Variants in CNTN4 observed in about 807,000 individuals in gnomAD.
CNTN4 encodes the protein contactin 4.
CNTN4 carries 77 observed loss-of-function variants against 122.5 expected under a neutral mutation model. The observed-to-expected ratio is 0.63, with a 90% CI of 0.52 to 0.76. CNTN4 has a LOEUF of 0.76. Ranked by LOEUF, CNTN4 falls within the 30% of genes least tolerant of loss-of-function variation. The pLI, the probability that CNTN4 is intolerant of heterozygous loss-of-function variation, is 0.00. For synonymous variants in CNTN4, 512 were observed against 447.0 expected (o/e 1.15, Z -1.83); for missense variants, 1,256 against 1,259.1 (o/e 1.00, Z 0.04).
At chr3:2,207,727 G>A (rs1042190469) in intron 2 of CNTN4, among the ~76,000 whole-genome samples, 1 of 152,144 alleles carries the variant, frequency 6.6e-6, no homozygotes, top group Non-Finnish European at 1.5e-5. Flanking sequence ...TAAGATCATT[G>A]AAGGTAGCTA....
chr3:2,491,582 G>A (rs1362983128), intron 3 of CNTN4, among the ~76,000 whole-genome samples: 3 of 152,174 alleles, frequency 2.0e-5, no homozygotes, highest in Non-Finnish European at 2.9e-5. Flanking sequence ...AGATATTACT[G>A]TGAAATCTTT....
intron 2 of CNTN4, among the ~76,000 whole-genome samples, chr3:2,209,482 A>G (rs1445335558): frequency 6.6e-6 from 1 of 152,154 alleles, no homozygotes; most frequent in Non-Finnish European, 1.5e-5. Flanking sequence ...TACCATCAGC[A>G]TCATCTACGT....
Position 2,623,738 on chromosome 3 carries a change from A to G in CNTN4, c.55+52180A>G, listed in dbSNP as rs76169345. On this transcript the variant is annotated intron_variant, in intron 4 of 24. Coordinates refer to ENST00000418658, the MANE Select transcript of CNTN4 (RefSeq NM_175607.3). The stretch of plus-strand genomic sequence containing the variant: ...GGCTTGGGAATACAGAGTGGAAAAC[A>G]GTAATATGTGTATCAGCCTGAATGA... Among the ~76,000 whole-genome samples the G allele has an allele frequency of 4.6e-5, 7 of 152,326 alleles. No individual in the cohort carries two copies. The East Asian group carries it at 1.2e-3, about 25-fold the overall frequency.
At chr3:2,526,550 G>T (rs984678961) in intron 3 of CNTN4, among the ~76,000 whole-genome samples, 1 of 151,974 alleles carries the variant, frequency 6.6e-6, no homozygotes, top group African/African-American at 2.4e-5. Flanking sequence ...AATAATCCAA[G>T]AATAAATTTA....
rs553129815 is a variant in CNTN4 at position 2,544,675 on chromosome 3, C to T, written c.-88-26741C>T. Among the ~76,000 whole-genome samples the T allele has an allele frequency of 2.0e-5, 3 of 151,638 alleles. No homozygotes were observed. In the South Asian group the frequency reaches 6.2e-4, roughly 32 times the overall value. On this transcript the variant is annotated intron_variant, in intron 3 of 24. Transcript: ENST00000418658. The stretch of plus-strand genomic sequence containing the variant: ...TGTGCATTGAAGTGTTCATGGTAGT[C>T]CCTGAGGGTTTTTTGTATTTCTGTG...
intron 7 of CNTN4, among the ~76,000 whole-genome samples, chr3:2,838,424 T>A (rs561189869): frequency 1.2e-4 from 19 of 152,160 alleles, no homozygotes; most frequent in Non-Finnish European, 2.2e-4. Flanking sequence ...CAATAGAAGC[T>A]GGGAAGCATT....
chr3:2,497,767 A>T (rs534255779), intron 3 of CNTN4, among the ~76,000 whole-genome samples: 1 of 152,324 alleles, frequency 6.6e-6, no homozygotes, highest in South Asian at 2.1e-4. Flanking sequence ...TAGAGCACTT[A>T]ACAGAATCTA....
chr3:2,649,102 G>A (rs1165445436), intron 4 of CNTN4, among the ~76,000 whole-genome samples: 2 of 152,188 alleles, frequency 1.3e-5, no homozygotes, highest in African/African-American at 2.4e-5. Context: ...TGCTTCATGA[G>A]ATTTAAGGAA....
At chr3:2,180,356 G>T (rs991573013) in intron 2 of CNTN4, among the ~76,000 whole-genome samples, 5 of 151,974 alleles carry the variant, frequency 3.3e-5, no homozygotes, top group Non-Finnish European at 7.4e-5. Context: ...TTACAGGTTA[G>T]AAAAGTGAGA....
intron 2 of CNTN4, among the ~76,000 whole-genome samples, chr3:2,136,410 A>G (rs2125308247): frequency 6.6e-6 from 1 of 152,320 alleles, no homozygotes; most frequent in South Asian, 2.1e-4. Flanking sequence ...TTATTAGGAG[A>G]AACTGTCCAA....
At chr3:2,986,090 T>G (rs1694544067) in intron 13 of CNTN4, among the ~76,000 whole-genome samples, 1 of 151,944 alleles carries the variant, frequency 6.6e-6, no homozygotes, top group Non-Finnish European at 1.5e-5. Flanking sequence ...AATTTTTGTG[T>G]TTTTTGTAGA....
intron 3 of CNTN4, among the ~76,000 whole-genome samples, chr3:2,500,846 C>T (rs552138212): frequency 3.5e-4 from 53 of 152,092 alleles, no homozygotes; most frequent in African/African-American, 1.2e-3. Context: ...TGAACATTTA[C>T]CTGTGCAAGC....
At chr3:2,657,659 T>G (rs113743917) in intron 4 of CNTN4, among the ~76,000 whole-genome samples, 6,734 of 152,130 alleles carry the variant, frequency 0.044, 165 homozygotes, top group Admixed American at 0.065. Context: ...GTTTCTCAGA[T>G]GGGTGAGTCA....
chr3:2,363,708 T>C (rs1450278474), intron 3 of CNTN4, among the ~76,000 whole-genome samples: 3 of 152,176 alleles, frequency 2.0e-5, no homozygotes, highest in African/African-American at 7.2e-5. Context: ...GTCTAACATC[T>C]TTCCTCCTTT....
intron 7 of CNTN4, among the ~76,000 whole-genome samples, chr3:2,844,264 G>A (rs1167335248): frequency 6.6e-6 from 1 of 152,122 alleles, no homozygotes. Context: ...ATCGCATGTA[G>A]TACTGTGTGA....
Position 2,503,318 on chromosome 3 carries a change from G to T in CNTN4, c.-88-68098G>T, listed in dbSNP as rs115565621. 2.8e-3 allele frequency among the ~76,000 whole-genome samples: 432 copies of T among 152,246 alleles called. 5 individuals carry two copies. The highest frequency in any genetic ancestry group is 0.01 in the African/African-American group (424 of 41,552). ...ACAAAGCAGGCATAGTAAGATATTA[G>T]TTGTAGAATCTAGAAAGGAGATACA... is the stretch of plus-strand genomic sequence containing the variant. On this transcript the variant is annotated intron_variant, in intron 3 of 24. Transcript: ENST00000418658.
intron 3 of CNTN4, among the ~76,000 whole-genome samples, chr3:2,551,006 A>G (rs1356340179): frequency 6.6e-6 from 1 of 152,106 alleles, no homozygotes. Context: ...AATGTAGATG[A>G]CAGGTTGATG....
intron 2 of CNTN4, among the ~76,000 whole-genome samples, chr3:2,328,672 AAAC>A (rs1250068404): frequency 6.6e-6 from 1 of 151,984 alleles, no homozygotes; most frequent in Non-Finnish European, 1.5e-5. Context: ...TGGAAAAAAA[AAAC>A]AATAAAAAAT....
At chr3:3,037,149 A>G (rs762052669) in intron 17 of CNTN4, 30 bp from the exon 18 acceptor site, 1 of 1,613,872 alleles carries the variant, frequency 6.2e-7, no homozygotes, top group South Asian at 1.1e-5. Context: ...AGAACCTATG[A>G]AACAGCCCCC....
Sources: gnomAD v4.1 joint callset for allele counts (sites outside exome capture counted in the v4.1 genomes callset) on GRCh38, gnomAD v4.1.1 for gene constraint, MANE v1.5 for transcripts, NCBI Gene and HGNC (gene_info 2026-07-23, HGNC 2026-07-21) for gene names.